Variants in DPM1 observed in about 807,000 individuals in gnomAD.
DPM1 encodes the protein dolichyl-phosphate mannosyltransferase subunit 1, catalytic.
A neutral mutation model predicts 39.0 loss-of-function variants in DPM1; 27 were observed. The observed-to-expected ratio is 0.69, with a 90% confidence interval of 0.51 to 0.95. The LOEUF is 0.95. Ranked by LOEUF, DPM1 falls within the 40% of genes least tolerant of loss-of-function variation. The pLI, the probability that DPM1 is intolerant of heterozygous loss-of-function variation, is 0.00. For missense variants in DPM1, 307 were observed against 315.6 expected, an observed-to-expected ratio of 0.97 and a Z score of 0.21; for synonymous variants, 124 against 109.0, an observed-to-expected ratio of 1.14 and a Z score of -0.86.
chr20:50,953,036 A>T (rs1568772834), intron 2 of DPM1, among the ~76,000 whole-genome samples: 3 of 152,258 alleles, frequency 2.0e-5, no homozygotes. Context: ...TTAAATATAT[A>T]TAACTTTGTC....
chr20:50,944,116 T>TA (rs2123108922), intron 5 of DPM1, among the ~76,000 whole-genome samples: 1 of 152,374 alleles, frequency 6.6e-6, no homozygotes, highest in South Asian at 2.1e-4. Context: ...TATAGCAACT[T>TA]ATACTTCCTT....
intron 2 of DPM1, among the ~76,000 whole-genome samples, chr20:50,952,990 T>C (rs1986657722): frequency 6.6e-6 from 1 of 152,230 alleles, no homozygotes; most frequent in Non-Finnish European, 1.5e-5. Context: ...CGTGAGGTGA[T>C]GGACAGGTTC....
intron 8 of DPM1, among the ~76,000 whole-genome samples, chr20:50,935,839 C>T (rs1306215552): frequency 2.0e-5 from 3 of 152,032 alleles, no homozygotes; most frequent in East Asian, 1.9e-4. Context: ...TGGCCATTGG[C>T]GGTGACAAAA....
intron 6 of DPM1, chr20:50,941,219 A>T (rs1985707177): frequency 5.4e-6 from 1 of 183,538 alleles, no homozygotes; most frequent in Non-Finnish European, 9.4e-6. Flanking sequence ...ACTACAAAAA[A>T]AAAAGTGAAT....
intron 1 of DPM1, 141 bp downstream of exon 1, chr20:50,958,222 C>T (rs895644002): frequency 2.8e-6 from 3 of 1,080,166 alleles, no homozygotes; most frequent in African/African-American, 1.6e-5. Context: ...CTGCTTCCCT[C>T]GCAGGGTGGC....
chr20:50,940,908 T>A lies in DPM1; in HGVS notation c.520A>T (p.Ile174Phe). The A allele has an allele frequency of 6.2e-7, 1 of 1,614,008 alleles. No individual in the cohort carries two copies. The highest frequency in any genetic ancestry group is 8.5e-7 in the Non-Finnish European group (1 of 1,179,976). The change falls in exon 7 of 9, where the codon ATC becomes TTC. Residue 174 changes from isoleucine to phenylalanine, a missense_variant. Ile to Phe is a conservative substitution (Grantham distance 21). This residue lies in a region of DPM1 where 31 missense variants were observed against 58.0 expected (regional missense o/e 0.53). Transcript: ENST00000371588. Reference sequence around the variant, plus strand: ...TCAGATGCTCCTGGTCTCAGCAAGATCTGAGTTAAAAAATTGGCCCCACGG... The same window carrying A: ...TCAGATGCTCCTGGTCTCAGCAAGAACTGAGTTAAAAAATTGGCCCCACGG... ...ISRGANFLTQ[I>F]LLRPGASDLT...
rs1568769764 is a variant in DPM1, at chr20:50,948,488, C to G, written c.295+141G>C. 27 of 876,896 alleles carry G rather than the reference C, an allele frequency of 3.1e-5. No homozygotes were observed. In the South Asian group the frequency reaches 3.5e-4, roughly 11 times the overall value. 54.3% of individuals were successfully genotyped at this position (876,896 alleles called of 1,614,324 possible). A position where few individuals can be genotyped will look rare whatever the true frequency, so the allele number is the denominator to read the frequency against. Reference sequence around the variant, plus strand: ...CTTATACAGGCGACCCAAGTTATACCATTTAAATGTCATTAAGATCATTAA... The same window carrying G: ...CTTATACAGGCGACCCAAGTTATACGATTTAAATGTCATTAAGATCATTAA... On this transcript the variant is annotated intron_variant, in intron 3 of 8. Coordinates refer to ENST00000371588, the MANE Select transcript of DPM1 (RefSeq NM_003859.3).
rs1286492803 is a variant in DPM1 at position 50,945,749 on chromosome 20, G to C, written c.386C>G (p.Pro129Arg). 1 of 1,581,092 alleles carries C rather than the reference G, an allele frequency of 6.3e-7. No homozygotes were observed. Among genetic ancestry groups the C allele is most frequent in the East Asian group, 2.2e-5 (1 of 44,600 alleles). Residue 129 changes from proline to arginine, a missense_variant, in exon 5 of 9, where the codon CCT (proline) becomes CGT (arginine). By Grantham distance (103) the Pro-to-Arg change is moderately radical. Transcript: ENST00000371588. Reference sequence around the variant, plus strand: ...AAATAGTACCTACCTAATAAATTCAGGAATAAATTTTGGCTGAAATTTGAA... The same window carrying C: ...AAATAGTACCTACCTAATAAATTCACGAATAAATTTTGGCTGAAATTTGAA... ...ADLSHHPKFI[P>R]EFIRKQKEGN...
In DPM1 at chr20:50,934,904, T is replaced by C; in HGVS notation, c.*228A>G. On this transcript the variant is annotated 3_prime_UTR_variant, in exon 9 of 9. Transcript: ENST00000371588. ...AAAAAAATATACATTTATTTATAGGTCTCAATACAGCAAAATGAAAACGAA... is the reference window on the plus strand; with the variant it reads ...AAAAAAATATACATTTATTTATAGGCCTCAATACAGCAAAATGAAAACGAA... 1 of 418,002 alleles carries C rather than the reference T, an allele frequency of 2.4e-6. No homozygotes were observed. 25.9% of individuals were successfully genotyped at this position (418,002 alleles called of 1,614,324 possible). A position where few individuals can be genotyped will look rare whatever the true frequency, so the allele number is the denominator to read the frequency against.
chr20:50,947,588 A>G (rs1986362462), intron 3 of DPM1, among the ~76,000 whole-genome samples: 1 of 152,242 alleles, frequency 6.6e-6, no homozygotes, highest in African/African-American at 2.4e-5. Context: ...TACTGAGCTC[A>G]TATGAGCTTT....
chr20:50,943,285 C>T (rs535223226), intron 5 of DPM1, among the ~76,000 whole-genome samples: 1 of 152,352 alleles, frequency 6.6e-6, no homozygotes, highest in South Asian at 2.1e-4. Context: ...ATTCAACTCA[C>T]ACACCTCTGT....
chr20:50,956,543 A>G (rs1216601276), intron 1 of DPM1, among the ~76,000 whole-genome samples: 1 of 152,020 alleles, frequency 6.6e-6, no homozygotes, highest in Non-Finnish European at 1.5e-5. Flanking sequence ...AAAAAAAAAA[A>G]AAGAAAAAGA....
intron 7 of DPM1, among the ~76,000 whole-genome samples, chr20:50,939,139 G>A (rs1985481543): frequency 6.6e-6 from 1 of 152,044 alleles, no homozygotes; most frequent in South Asian, 2.1e-4. Context: ...ACTAATCCTT[G>A]TATGGTTCTG....
chr20:50,955,072 C>G, intron 2 of DPM1, 114 bp downstream of exon 2: 1 of 885,706 alleles, frequency 1.1e-6, no homozygotes, highest in Non-Finnish European at 1.8e-6. Context: ...GCGTAAGTTG[C>G]TCTTTATCTT....
chr20:50,941,349 ATATT>A, intron 6 of DPM1: 1 of 149,224 alleles, frequency 6.7e-6, no homozygotes, highest in Non-Finnish European at 1.4e-5. Context: ...CGTATTATAT[ATATT>A]CATATACATA....
chr20:50,952,569 TCTC>T (rs1338250293), intron 2 of DPM1, among the ~76,000 whole-genome samples: 3 of 152,216 alleles, frequency 2.0e-5, no homozygotes, highest in Non-Finnish European at 4.4e-5. Flanking sequence ...TAATATGTAC[TCTC>T]CTCCTGTTTT....
At chr20:50,944,020 G>A (rs1211023180) in intron 5 of DPM1, among the ~76,000 whole-genome samples, 2 of 151,970 alleles carry the variant, frequency 1.3e-5, no homozygotes, top group Non-Finnish European at 1.5e-5. Flanking sequence ...GATTACAGGC[G>A]TGAGCCACTG....
chr20:50,940,066 G>A (rs576262860), intron 7 of DPM1, among the ~76,000 whole-genome samples: 88 of 150,296 alleles, frequency 5.9e-4, no homozygotes, highest in Middle Eastern at 3.4e-3. Flanking sequence ...CTTTTTGACT[G>A]TCAACAGCCA....
At chr20:50,937,376 T>C (rs1013607603) in intron 7 of DPM1, among the ~76,000 whole-genome samples, 1 of 152,110 alleles carries the variant, frequency 6.6e-6, no homozygotes, top group Non-Finnish European at 1.5e-5. Flanking sequence ...TTGGAATAAA[T>C]ATGGAGAGAG....
Sources: gnomAD v4.1 joint callset for allele counts (sites outside exome capture counted in the v4.1 genomes callset) on GRCh38, gnomAD v4.1.1 for gene constraint, gnomAD v4.1.1 regional missense constraint, MANE v1.5 for transcripts, NCBI Gene and HGNC (gene_info 2026-07-23, HGNC 2026-07-21) for gene names.